The following PLCH1 variants were observed in gnomAD, a reference collection of about 807,000 sequenced individuals.
The protein encoded by PLCH1 is 1-phosphatidylinositol 4,5-bisphosphate phosphodiesterase eta-1.
PLCH1 carries 60 observed loss-of-function variants against 126.7 expected under a neutral mutation model. The observed-to-expected ratio is 0.47, with a 90% CI of 0.38 to 0.59. The LOEUF is 0.59. PLCH1 is among the 20% of genes least tolerant of loss of function. The pLI, the probability that PLCH1 is intolerant of heterozygous loss-of-function variation, is 0.00. For synonymous variants in PLCH1, 719 were observed against 734.9 expected (o/e 0.98, Z 0.35); for missense variants, 1,723 against 2,040.0 (o/e 0.84, Z 2.99).
At chr3:155,536,900 A>C (rs1723426969) in intron 10 of PLCH1, among the ~76,000 whole-genome samples, 1 of 152,148 alleles carries the variant, frequency 6.6e-6, no homozygotes, top group Non-Finnish European at 1.5e-5. Flanking sequence ...AAGATGAAGG[A>C]AAGAATCTTA....
chr3:155,588,637 A>G (rs894245977), intron 4 of PLCH1, among the ~76,000 whole-genome samples: 1 of 152,246 alleles, frequency 6.6e-6, no homozygotes, highest in African/African-American at 2.4e-5. Flanking sequence ...TTCTGCAGAT[A>G]CAAACATTTA....
At chr3:155,701,772 A>G (rs1746292433) in intron 2 of PLCH1, among the ~76,000 whole-genome samples, 2 of 152,236 alleles carry the variant, frequency 1.3e-5, no homozygotes, top group Non-Finnish European at 2.9e-5. Flanking sequence ...AAATATCCCA[A>G]GACTTCTCAC....
intron 2 of PLCH1, among the ~76,000 whole-genome samples, chr3:155,641,496 C>T (rs914834858): frequency 2.6e-5 from 4 of 152,058 alleles, no homozygotes; most frequent in Non-Finnish European, 5.9e-5. Flanking sequence ...TTATCAACAC[C>T]AGACCTGTCA....
chr3:155,538,969 C>G (rs1366309211), intron 10 of PLCH1, among the ~76,000 whole-genome samples: 1 of 151,402 alleles, frequency 6.6e-6, no homozygotes, highest in East Asian at 1.9e-4. Context: ...AATTACAGAC[C>G]AATATCGCTA....
chr3:155,739,611 T>G (rs945344906), intron 1 of PLCH1, among the ~76,000 whole-genome samples: 5 of 152,184 alleles, frequency 3.3e-5, no homozygotes, highest in African/African-American at 1.2e-4. Context: ...TTTGCATAAA[T>G]GGTGAATTTG....
intron 10 of PLCH1, among the ~76,000 whole-genome samples, chr3:155,538,232 T>C (rs928674106): frequency 6.6e-6 from 1 of 152,122 alleles, no homozygotes; most frequent in African/African-American, 2.4e-5. Flanking sequence ...TCAAAATCTC[T>C]GGGATACAGC....
At chr3:155,569,264 T>C (rs1204587622) in intron 6 of PLCH1, among the ~76,000 whole-genome samples, 1 of 152,198 alleles carries the variant, frequency 6.6e-6, no homozygotes, top group Non-Finnish European at 1.5e-5. Flanking sequence ...TAATGAATAA[T>C]TATAGAGGAA....
At chr3:155,548,717 G>T (rs1028181744) in intron 10 of PLCH1, among the ~76,000 whole-genome samples, 13 of 152,240 alleles carry the variant, frequency 8.5e-5, no homozygotes, top group African/African-American at 2.9e-4. Context: ...TGGGCAAATT[G>T]GCCTTCATGT....
intron 21 of PLCH1, among the ~76,000 whole-genome samples, chr3:155,451,135 C>A (rs1333691901): frequency 6.6e-6 from 1 of 151,740 alleles, no homozygotes; most frequent in Non-Finnish European, 1.5e-5. Context: ...ATACTGATAC[C>A]AATCATTCAA....
rs184016164 is a variant in PLCH1, at chr3:155,544,480, A to T, written c.1362+5307T>A. Among the ~76,000 whole-genome samples the T allele has an allele frequency of 4.3e-3, 660 of 152,322 alleles. 5 individuals are homozygous for T. The highest frequency in any genetic ancestry group is 0.015 in the African/African-American group (617 of 41,576). On this transcript the variant is annotated intron_variant, in intron 10 of 22. Coordinates refer to ENST00000460012, the MANE Select transcript of PLCH1 (RefSeq NM_014996.4). Reference sequence around the variant, plus strand: ...ACTGTCAACATTAGACAGATCAACGAGACAGAAAGTTAACAAGGATATCCA... The same window carrying T: ...ACTGTCAACATTAGACAGATCAACGTGACAGAAAGTTAACAAGGATATCCA...
chr3:155,573,174 T>G (rs1196908934), intron 6 of PLCH1, among the ~76,000 whole-genome samples: 1 of 151,908 alleles, frequency 6.6e-6, no homozygotes, highest in Non-Finnish European at 1.5e-5. Flanking sequence ...TTGTCTCTAT[T>G]TATTTGCTTT....
intron 2 of PLCH1, among the ~76,000 whole-genome samples, chr3:155,599,861 C>T (rs930187082): frequency 2.0e-5 from 3 of 152,166 alleles, no homozygotes; most frequent in African/African-American, 7.2e-5. Flanking sequence ...TTTCCTTTCC[C>T]TGAAATGGAA....
intron 15 of PLCH1, among the ~76,000 whole-genome samples, chr3:155,495,231 G>A (rs1026939827): frequency 1.3e-5 from 2 of 152,096 alleles, no homozygotes; most frequent in African/African-American, 4.8e-5. Flanking sequence ...AGTACATGAA[G>A]CCTGTACTAA....
chr3:155,563,698 G>T (rs141665247), intron 8 of PLCH1, among the ~76,000 whole-genome samples: 45 of 151,212 alleles, frequency 3.0e-4, no homozygotes, highest in Middle Eastern at 3.6e-3. Flanking sequence ...TTTCTCAACT[G>T]CAAATCTGAT....
chr3:155,706,615 C>CAA (rs56707638), intron 1 of PLCH1, among the ~76,000 whole-genome samples: 5,349 of 138,110 alleles, frequency 0.039, 341 homozygotes, highest in African/African-American at 0.14. Context: ...GACTCCGTCT[C>CAA]AAAAAAAAAA....
chr3:155,662,247 G>A (rs964586717), intron 2 of PLCH1, among the ~76,000 whole-genome samples: 14 of 152,170 alleles, frequency 9.2e-5, no homozygotes, highest in African/African-American at 3.4e-4. Context: ...GAGGCCAAGA[G>A]TTCAAGATCA....
At chr3:155,704,315 G>A (rs1414866318) in intron 1 of PLCH1, 51 bp from the exon 2 acceptor site, 5 of 449,928 alleles carry the variant, frequency 1.1e-5, no homozygotes, top group East Asian at 3.5e-5. Context: ...GCAGCCACAC[G>A]CTCACACTGG....
intron 2 of PLCH1, among the ~76,000 whole-genome samples, chr3:155,697,880 C>A (rs6807567): frequency 0.08 from 12,134 of 152,132 alleles, 526 homozygotes; most frequent in Middle Eastern, 0.17. Flanking sequence ...ATCACCTCAC[C>A]GCTGCTGACA....
At chr3:155,741,699 T>TATTTTTA (rs1749650567) in intron 1 of PLCH1, among the ~76,000 whole-genome samples, 3 of 146,988 alleles carry the variant, frequency 2.0e-5, no homozygotes, top group East Asian at 2.0e-4. Context: ...TTTTTTTTTT[T>TATTTTTA]TTTTTGTTCA....
Sources: gnomAD v4.1 joint callset for allele counts (sites outside exome capture counted in the v4.1 genomes callset) on GRCh38, gnomAD v4.1.1 for gene constraint, MANE v1.5 for transcripts, NCBI Gene and HGNC (gene_info 2026-07-23, HGNC 2026-07-21) for gene names.